The following UNC5C variants were observed in gnomAD, a reference collection of about 807,000 sequenced individuals.
UNC5C encodes the protein unc-5 netrin receptor C.
A neutral mutation model predicts 99.8 loss-of-function variants in UNC5C; 47 were observed. That is an observed-to-expected ratio of 0.47 (90% CI 0.37 to 0.60). The LOEUF is 0.60. Ranked by LOEUF, UNC5C falls within the 20% of genes least tolerant of loss-of-function variation. UNC5C has a pLI of 0.00. For synonymous variants in UNC5C, 487 were observed against 452.2 expected, an observed-to-expected ratio of 1.08 and a Z score of -0.98; for missense variants, 1,062 against 1,165.9, an observed-to-expected ratio of 0.91 and a Z score of 1.30.
chr4:95,431,539 G>C (rs1746635005), intron 1 of UNC5C, among the ~76,000 whole-genome samples: 1 of 151,212 alleles, frequency 6.6e-6, no homozygotes, highest in African/African-American at 2.5e-5. Context: ...AAGGGGTAAA[G>C]ACTAAAAAAA....
At chr4:95,483,528 A>G (rs1721235564) in intron 1 of UNC5C, among the ~76,000 whole-genome samples, 1 of 151,798 alleles carries the variant, frequency 6.6e-6, no homozygotes, top group Admixed American at 6.6e-5. Context: ...TCTCACTTCA[A>G]AAATCAAATA....
chr4:95,391,464 C>G (rs1223910587), intron 1 of UNC5C, among the ~76,000 whole-genome samples: 1 of 152,110 alleles, frequency 6.6e-6, no homozygotes, highest in African/African-American at 2.4e-5. Context: ...CATTTTCTGA[C>G]AATCACAGAA....
chr4:95,194,235 C>T (rs1737282146), intron 12 of UNC5C, among the ~76,000 whole-genome samples: 1 of 152,222 alleles, frequency 6.6e-6, no homozygotes, highest in Non-Finnish European at 1.5e-5. Flanking sequence ...ACAGTTCTCT[C>T]TCACATCTAT....
chr4:95,358,115 A>G (rs1294723826), intron 1 of UNC5C, among the ~76,000 whole-genome samples: 1 of 152,172 alleles, frequency 6.6e-6, no homozygotes, highest in Admixed American at 6.5e-5. Context: ...AAAAAACACC[A>G]CTGCACATTT....
chr4:95,247,938 A>G (rs1328330304), intron 5 of UNC5C: 1 of 152,366 alleles, frequency 6.6e-6, no homozygotes. Flanking sequence ...AGGCAGTTTA[A>G]AAAGAGATAA....
At chr4:95,263,838 T>C (rs908989178) in intron 4 of UNC5C, among the ~76,000 whole-genome samples, 5 of 152,232 alleles carry the variant, frequency 3.3e-5, no homozygotes, top group African/African-American at 4.8e-5. Flanking sequence ...GCTGGTGTTA[T>C]GGTGATTTCT....
chr4:95,456,620 A>G (rs926029762), intron 1 of UNC5C, among the ~76,000 whole-genome samples: 7 of 152,148 alleles, frequency 4.6e-5, no homozygotes, highest in African/African-American at 1.7e-4. Flanking sequence ...CAGACATATT[A>G]AGGAAATAAC....
rs1275415636 is a variant in UNC5C, at chr4:95,167,202, A to C, written c.*2032T>G. ...GCAACTTGTGTGCCTCCAGCCTAAA[A>C]GTAAACCACAGTCATGTTCTAAAGG... On this transcript the variant is annotated 3_prime_UTR_variant, in exon 16 of 16. Coordinates refer to ENST00000453304, the MANE Select transcript of UNC5C (RefSeq NM_003728.4). The C allele has an allele frequency of 6.6e-6, 1 of 152,214 alleles. No individual in the cohort carries two copies. The highest frequency in any genetic ancestry group is 2.4e-5 in the African/African-American group (1 of 41,444). The allele number at this position is 152,214 out of a possible 1,614,324, so 9.4% of individuals were successfully genotyped here.
intron 11 of UNC5C, among the ~76,000 whole-genome samples, chr4:95,205,336 C>T (rs3775047): frequency 0.68 from 103,465 of 152,014 alleles, 35,847 homozygotes; most frequent in Middle Eastern, 0.86. Flanking sequence ...AAAGCTTAAA[C>T]AGAATGAAAG....
intron 1 of UNC5C, among the ~76,000 whole-genome samples, chr4:95,436,028 T>C (rs1234841884): frequency 3.9e-5 from 6 of 152,066 alleles, no homozygotes; most frequent in African/African-American, 7.2e-5. Context: ...TTGTTATTTA[T>C]GTGATTTTTA....
chr4:95,208,665 AC>A (rs1737966010), intron 10 of UNC5C, among the ~76,000 whole-genome samples: 2 of 152,176 alleles, frequency 1.3e-5, no homozygotes, highest in South Asian at 2.1e-4. Context: ...ACCATTTGGA[AC>A]CTCTTTCCAG....
intron 12 of UNC5C, among the ~76,000 whole-genome samples, chr4:95,187,652 T>G (rs73839929): frequency 0.025 from 3,765 of 152,294 alleles, 147 homozygotes; most frequent in African/African-American, 0.086. Flanking sequence ...CAGCAATGAT[T>G]TGAAAAGTCA....
At chr4:95,507,875 C>A (rs1006248909) in intron 1 of UNC5C, among the ~76,000 whole-genome samples, 1 of 151,996 alleles carries the variant, frequency 6.6e-6, no homozygotes, top group African/African-American at 2.4e-5. Flanking sequence ...TCAGCTAAAA[C>A]GCATACAGGG....
chr4:95,242,926 T>C (rs569297263), intron 6 of UNC5C, among the ~76,000 whole-genome samples: 4 of 152,284 alleles, frequency 2.6e-5, no homozygotes, highest in Admixed American at 6.5e-5. Context: ...GGGTTTTGTA[T>C]TGAAAATTAG....
intron 10 of UNC5C, among the ~76,000 whole-genome samples, chr4:95,208,808 G>T (rs2114532): frequency 0.057 from 8,708 of 152,164 alleles, 453 homozygotes; most frequent in African/African-American, 0.15. Flanking sequence ...CTTTATAATT[G>T]CAATGGTCAC....
intron 10 of UNC5C, among the ~76,000 whole-genome samples, chr4:95,212,417 C>A (rs957627968): frequency 6.6e-6 from 1 of 152,132 alleles, no homozygotes; most frequent in African/African-American, 2.4e-5. Flanking sequence ...TCTACCCTTA[C>A]AAACCTTCGT....
chr4:95,416,555 T>C (rs145834856), intron 1 of UNC5C, among the ~76,000 whole-genome samples: 2,101 of 152,224 alleles, frequency 0.014, 32 homozygotes, highest in Middle Eastern at 0.065. Flanking sequence ...AAAAATAATA[T>C]GTGAAAGTGA....
At position 95,301,647 on chromosome 4, in the gene UNC5C, G is replaced by A. The variant is rs566430971; in HGVS notation, c.449C>T (p.Ala150Val). 1.5e-5 allele frequency: 25 copies of A among 1,613,870 alleles called. No individual in the cohort carries two copies. The East Asian group carries it at 5.1e-4, about 33-fold the overall frequency. ...YWCQCVAWSS[A>V]GTTKSRKAYV... ...CGCCTTCCGGCTCTTTGTGGTACCC[G>A]CGGAGCTCCAGGCCACACACTGGCA... The change falls in exon 3 of 16, where the codon GCG becomes GTG. Residue 150 changes from alanine to valine, a missense_variant. Coordinates refer to ENST00000453304, the MANE Select transcript of UNC5C (RefSeq NM_003728.4).
rs541109956 is a variant in UNC5C at position 95,251,248 on chromosome 4, G to A, written c.595-581C>T. Among the ~76,000 whole-genome samples the A allele has an allele frequency of 6.6e-5, 10 of 152,250 alleles. No individual in the cohort carries two copies. The South Asian group carries it at 1.9e-3, about 28-fold the overall frequency. ...TATCCCTGAAAATACCTTTCAAAAT[G>A]TAGCAAAACACATAGTTGGAGATGT... On this transcript the variant is annotated intron_variant, in intron 4 of 15. Transcript: ENST00000453304.
Sources: allele counts gnomAD v4.1 joint callset (sites outside exome capture counted in the v4.1 genomes callset), GRCh38; gene constraint gnomAD v4.1.1; transcripts MANE v1.5; gene names NCBI Gene and HGNC (gene_info 2026-07-23, HGNC 2026-07-21).